SLC27A6: variants seen among roughly 807,000 people sequenced by gnomAD.
SLC27A6 encodes the protein solute carrier family 27 member 6, also known as long-chain fatty acid transport protein 6.
A neutral mutation model predicts 63.9 loss-of-function variants in SLC27A6; 74 were observed. The ratio of observed to expected loss-of-function variants is 1.16; its 90% confidence interval spans 0.96 to 1.40. The LOEUF (loss-of-function observed/expected upper bound fraction) is 1.40. SLC27A6 is among the 40% of genes most tolerant of loss of function. The pLI, the probability that SLC27A6 is intolerant of heterozygous loss-of-function variation, is 0.00. For missense variants in SLC27A6, 794 were observed against 732.9 expected (o/e 1.08, Z -0.96); for synonymous variants, 287 against 260.8 (o/e 1.10, Z -0.97).
intron 4 of SLC27A6, among the ~76,000 whole-genome samples, chr5:128,999,230 A>G (rs1211504959): frequency 1.3e-5 from 2 of 152,188 alleles, no homozygotes; most frequent in Non-Finnish European, 2.9e-5. Flanking sequence ...TTTTATTATC[A>G]TATTGAATAT....
intron 4 of SLC27A6, among the ~76,000 whole-genome samples, chr5:128,995,602 C>T (rs762634822): frequency 5.9e-5 from 9 of 152,008 alleles, no homozygotes; most frequent in Admixed American, 1.3e-4. Context: ...ATCTATGAGC[C>T]GAGGACCTGA....
intron 9 of SLC27A6, 74 bp downstream of exon 9, chr5:129,029,781 T>C: frequency 1.5e-6 from 2 of 1,317,158 alleles, no homozygotes; most frequent in Non-Finnish European, 2.1e-6. Flanking sequence ...CAAAATAATA[T>C]TGTATCCTTT....
intron 3 of SLC27A6, among the ~76,000 whole-genome samples, chr5:128,989,770 A>G (rs1222595518): frequency 2.6e-5 from 4 of 151,904 alleles, no homozygotes; most frequent in Admixed American, 2.6e-4. Flanking sequence ...TAAAAATACA[A>G]AAAATTAGCC....
intron 4 of SLC27A6, among the ~76,000 whole-genome samples, chr5:129,012,930 C>T (rs1199986656): frequency 6.6e-6 from 1 of 151,846 alleles, no homozygotes; most frequent in East Asian, 1.9e-4. Flanking sequence ...AGTCCATTTA[C>T]ATTTTATGTA....
At chr5:128,982,365 T>G (rs1336266747) in intron 1 of SLC27A6, among the ~76,000 whole-genome samples, 1 of 152,200 alleles carries the variant, frequency 6.6e-6, no homozygotes, top group African/African-American at 2.4e-5. Context: ...AGGAACCTTC[T>G]CACTTTCTTT....
intron 2 of SLC27A6, among the ~76,000 whole-genome samples, chr5:128,988,151 C>T (rs1038330599): frequency 1.3e-5 from 2 of 152,086 alleles, no homozygotes; most frequent in Non-Finnish European, 2.9e-5. Flanking sequence ...CAAAGTCCTG[C>T]GTAAAAATGA....
intron 5 of SLC27A6, among the ~76,000 whole-genome samples, chr5:129,017,684 T>A (rs1022508882): frequency 2.6e-5 from 4 of 152,114 alleles, no homozygotes; most frequent in African/African-American, 9.7e-5. Context: ...TGCTGATACT[T>A]TAGACATTAA....
In SLC27A6 at chr5:128,966,149, A is replaced by G. The variant is rs772287482; in HGVS notation, c.12A>G (p.Ser4=). Residue 4 remains serine (S), a synonymous_variant, in exon 1 of 10, where the codon TCA becomes TCG. Transcript: ENST00000262462. Reference sequence around the variant, plus strand: ...GCCCAGTTGCCCCCATGCTTCTGTCATGGCTAACAGTTCTAGGGGCTGGAA... The same window carrying G: ...GCCCAGTTGCCCCCATGCTTCTGTCGTGGCTAACAGTTCTAGGGGCTGGAA... MLL[S]WLTVLGAGMV... is the part of the protein sequence containing the mutation. 5 of 1,542,690 alleles carry G rather than the reference A, an allele frequency of 3.2e-6. No homozygotes were observed. In the Admixed American group the frequency reaches 1.0e-4, roughly 32 times the overall value.
chr5:128,970,474 G>C (rs961199328), intron 1 of SLC27A6, among the ~76,000 whole-genome samples: 1 of 152,044 alleles, frequency 6.6e-6, no homozygotes, highest in Admixed American at 6.6e-5. Context: ...ACTTCTTCCT[G>C]GTTTAGTCTT....
chr5:129,000,616 C>G (rs1751302299), intron 4 of SLC27A6, among the ~76,000 whole-genome samples: 1 of 152,174 alleles, frequency 6.6e-6, no homozygotes, highest in Non-Finnish European at 1.5e-5. Flanking sequence ...CTGATGCATT[C>G]AGGTCACTGC....
At chr5:128,973,771 G>T (rs762627633) in intron 1 of SLC27A6, among the ~76,000 whole-genome samples, 2 of 152,204 alleles carry the variant, frequency 1.3e-5, no homozygotes, top group African/African-American at 2.4e-5. Flanking sequence ...CACTCTGTGG[G>T]TTGCACCCAC....
At chr5:128,973,435 G>T (rs1364139354) in intron 1 of SLC27A6, among the ~76,000 whole-genome samples, 1 of 152,190 alleles carries the variant, frequency 6.6e-6, no homozygotes, top group Non-Finnish European at 1.5e-5. Flanking sequence ...CACCCAGTTC[G>T]ATCTTCCGCA....
intron 4 of SLC27A6, among the ~76,000 whole-genome samples, chr5:128,993,501 G>A (rs1025837539): frequency 2.6e-5 from 4 of 152,126 alleles, no homozygotes; most frequent in African/African-American, 9.7e-5. Flanking sequence ...TTACTGGCAA[G>A]GTGGGACAGT....
In SLC27A6 at chr5:129,029,563, A is replaced by T; in HGVS notation, c.1553-14A>T. 1 of 1,546,064 alleles carries T rather than the reference A, an allele frequency of 6.5e-7. No homozygotes were observed. ...TGGTACTTAAAAATGACTCTATTTCAAACTTTTTTTCAGGTTATGAAGGAA... is the reference window on the plus strand; with the variant it reads ...TGGTACTTAAAAATGACTCTATTTCTAACTTTTTTTCAGGTTATGAAGGAA... On this transcript the variant is annotated splice_polypyrimidine_tract_variant and intron_variant, in intron 8 of 9. Transcript: ENST00000262462.
chr5:128,975,012 T>C (rs893292921), intron 1 of SLC27A6, among the ~76,000 whole-genome samples: 8 of 152,182 alleles, frequency 5.3e-5, no homozygotes, highest in African/African-American at 1.9e-4. Flanking sequence ...TTAGCTAGTA[T>C]ATACAGTCAT....
intron 5 of SLC27A6, among the ~76,000 whole-genome samples, chr5:129,019,134 A>G (rs1239540718): frequency 6.6e-6 from 1 of 152,084 alleles, no homozygotes; most frequent in Non-Finnish European, 1.5e-5. Context: ...CCTATAACCC[A>G]TTGTCTTTAT....
intron 4 of SLC27A6, among the ~76,000 whole-genome samples, chr5:129,003,535 G>T (rs568322959): frequency 6.6e-6 from 1 of 152,256 alleles, no homozygotes; most frequent in East Asian, 1.9e-4. Flanking sequence ...AGAAGAGTCA[G>T]CTATGAAAGC....
chr5:128,976,002 A>G (rs1337977674), intron 1 of SLC27A6, among the ~76,000 whole-genome samples: 2 of 152,184 alleles, frequency 1.3e-5, no homozygotes, highest in Non-Finnish European at 2.9e-5. Context: ...CTTTTGTAAC[A>G]GAAGTAATTG....
intron 4 of SLC27A6, among the ~76,000 whole-genome samples, chr5:128,993,923 T>C (rs1033799829): frequency 1.5e-4 from 23 of 152,092 alleles, no homozygotes; most frequent in Admixed American, 3.9e-4. Context: ...GCCTGATCAA[T>C]ATGGGGAAAC....
Sources: gnomAD v4.1 joint callset for allele counts (sites outside exome capture counted in the v4.1 genomes callset) on GRCh38, gnomAD v4.1.1 for gene constraint, MANE v1.5 for transcripts, NCBI Gene and HGNC (gene_info 2026-07-23, HGNC 2026-07-21) for gene names.